Variants in LSAMP observed in about 807,000 individuals in gnomAD.
The protein encoded by LSAMP is limbic system associated membrane protein, also known as limbic system-associated membrane protein.
LSAMP carries 7 observed loss-of-function variants against 38.6 expected under a neutral mutation model. The ratio of observed to expected loss-of-function variants is 0.18; its 90% CI spans 0.10 to 0.34. The LOEUF (loss-of-function observed/expected upper bound fraction) is 0.34. Among genes scored for constraint, LSAMP ranks in the 10% least tolerant of loss-of-function variants. LSAMP has a pLI of 1.00. For missense variants in LSAMP, 313 were observed against 420.0 expected (o/e 0.75, Z 2.23); for synonymous variants, 154 against 166.8 (o/e 0.92, Z 0.59).
intron 1 of LSAMP, among the ~76,000 whole-genome samples, chr3:116,116,286 TCTG>T (rs1033337499): frequency 2.5e-4 from 38 of 152,012 alleles, no homozygotes; most frequent in African/African-American, 8.4e-4. Flanking sequence ...AAAATTTTCT[TCTG>T]CTCAAATCCT....
chr3:116,344,131 G>A (rs2048033160), intron 1 of LSAMP, among the ~76,000 whole-genome samples: 1 of 152,020 alleles, frequency 6.6e-6, no homozygotes, highest in African/African-American at 2.4e-5. Context: ...CGTGAATAAT[G>A]GCACCACCTT....
chr3:116,035,685 C>T (rs1254352298), intron 2 of LSAMP, among the ~76,000 whole-genome samples: 3 of 152,178 alleles, frequency 2.0e-5, no homozygotes, highest in African/African-American at 7.2e-5. Context: ...TGTTTATACT[C>T]TGTCCAGCGA....
At chr3:116,398,579 A>G (rs374473272) in intron 1 of LSAMP, among the ~76,000 whole-genome samples, 1 of 152,220 alleles carries the variant, frequency 6.6e-6, no homozygotes, top group African/African-American at 2.4e-5. Context: ...CCTAGACTAC[A>G]TGGGAAAATC....
At chr3:116,325,153 G>T (rs2047753597) in intron 1 of LSAMP, among the ~76,000 whole-genome samples, 1 of 150,898 alleles carries the variant, frequency 6.6e-6, no homozygotes, top group African/African-American at 2.4e-5. Context: ...TACTAGAGAT[G>T]AGGTCTCACT....
chr3:115,951,835 T>C (rs1938300216), intron 3 of LSAMP, among the ~76,000 whole-genome samples: 1 of 150,850 alleles, frequency 6.6e-6, no homozygotes, highest in South Asian at 2.1e-4. Context: ...TCAATACTCC[T>C]TAATAAAGTC....
At chr3:116,131,017 G>A (rs1011793554) in intron 1 of LSAMP, among the ~76,000 whole-genome samples, 3 of 131,176 alleles carry the variant, frequency 2.3e-5, no homozygotes, top group African/African-American at 9.0e-5. Context: ...TTGAGACGGA[G>A]TCTTGATCTG....
intron 3 of LSAMP, among the ~76,000 whole-genome samples, chr3:115,989,544 C>T (rs1364012084): frequency 6.6e-6 from 1 of 151,940 alleles, no homozygotes; most frequent in East Asian, 1.9e-4. Context: ...AGCACTCTAT[C>T]AGGAAATGGA....
At chr3:116,442,134 A>ATAC (rs1285834049) in intron 1 of LSAMP, among the ~76,000 whole-genome samples, 2 of 152,196 alleles carry the variant, frequency 1.3e-5, no homozygotes, top group Admixed American at 1.3e-4. Context: ...TAATTACACT[A>ATAC]AAGATCATAA....
At chr3:116,208,484 T>A (rs981227445) in intron 1 of LSAMP, among the ~76,000 whole-genome samples, 1 of 152,250 alleles carries the variant, frequency 6.6e-6, no homozygotes, top group Non-Finnish European at 1.5e-5. Context: ...GCTCTGCTTT[T>A]TAGAGTTTCC....
At chr3:115,987,382 A>G (rs923147290) in intron 3 of LSAMP, among the ~76,000 whole-genome samples, 6 of 152,196 alleles carry the variant, frequency 3.9e-5, no homozygotes, top group Non-Finnish European at 8.8e-5. Flanking sequence ...CCAATGGCAG[A>G]GCTGCAAGTT....
At chr3:116,260,453 T>C (rs2046810481) in intron 1 of LSAMP, among the ~76,000 whole-genome samples, 1 of 151,840 alleles carries the variant, frequency 6.6e-6, no homozygotes. Flanking sequence ...TATACTAATA[T>C]ATTATAAATG....
intron 3 of LSAMP, among the ~76,000 whole-genome samples, chr3:115,991,446 G>T (rs1939664476): frequency 6.6e-6 from 1 of 152,058 alleles, no homozygotes; most frequent in Non-Finnish European, 1.5e-5. Context: ...GTGCATGCCT[G>T]TGGACACACA....
At chr3:116,381,050 A>G (rs906939276) in intron 1 of LSAMP, among the ~76,000 whole-genome samples, 1 of 152,032 alleles carries the variant, frequency 6.6e-6, no homozygotes, top group African/African-American at 2.4e-5. Flanking sequence ...ATTGTCACTC[A>G]TATGGAAAGA....
At chr3:116,368,106 A>G (rs2107787759) in intron 1 of LSAMP, 1 of 152,322 alleles carries the variant, frequency 6.6e-6, no homozygotes, top group African/African-American at 2.4e-5. Context: ...ATAGGTTTTT[A>G]AAAATGCTGT....
intron 1 of LSAMP, among the ~76,000 whole-genome samples, chr3:116,214,155 A>G (rs771536336): frequency 2.6e-5 from 4 of 152,238 alleles, no homozygotes; most frequent in Non-Finnish European, 5.9e-5. Context: ...TTATTAACCA[A>G]GGGCTACAAA....
intron 3 of LSAMP, among the ~76,000 whole-genome samples, chr3:116,008,134 A>G (rs988140223): frequency 6.6e-6 from 1 of 152,250 alleles, no homozygotes; most frequent in African/African-American, 2.4e-5. Context: ...AATAACAACA[A>G]CAAACACTTG....
intron 1 of LSAMP, among the ~76,000 whole-genome samples, chr3:116,246,179 TTC>T (rs2046603377): frequency 6.6e-6 from 1 of 152,198 alleles, no homozygotes; most frequent in African/African-American, 2.4e-5. Flanking sequence ...GACATCCTAT[TTC>T]TGTTTCAAGC....
chr3:116,386,234 C>A (rs2048624894), intron 1 of LSAMP, among the ~76,000 whole-genome samples: 1 of 152,082 alleles, frequency 6.6e-6, no homozygotes, highest in Non-Finnish European at 1.5e-5. Flanking sequence ...CTGAGAACCT[C>A]TTCTCTCTCC....
At chr3:116,144,733 G>A (rs530807675) in intron 1 of LSAMP, among the ~76,000 whole-genome samples, 1 of 151,838 alleles carries the variant, frequency 6.6e-6, no homozygotes, top group South Asian at 2.1e-4. Flanking sequence ...ATATTCTGTT[G>A]ATGAAAGTCT....
Sources: gnomAD v4.1 joint callset for allele counts (sites outside exome capture counted in the v4.1 genomes callset) on GRCh38, gnomAD v4.1.1 for gene constraint, MANE v1.5 for transcripts, NCBI Gene and HGNC (gene_info 2026-07-23, HGNC 2026-07-21) for gene names.